ARCN1: variants seen among roughly 807,000 people sequenced by gnomAD.
ARCN1 encodes the protein coatomer subunit delta.
ARCN1 carries 5 observed loss-of-function variants against 60.4 expected under a neutral mutation model. The observed-to-expected ratio is 0.08, with a 90% CI of 0.04 to 0.17. The LOEUF (loss-of-function observed/expected upper bound fraction) is 0.17. Among genes scored for constraint, ARCN1 ranks in the 10% least tolerant of loss-of-function variants. The pLI, the probability that ARCN1 is intolerant of heterozygous loss-of-function variation, is 1.00. For missense variants in ARCN1, 464 were observed against 626.5 expected, an observed-to-expected ratio of 0.74 and a Z score of 2.77; for synonymous variants, 224 against 220.0, an observed-to-expected ratio of 1.02 and a Z score of -0.16.
At chr11:118,590,312 T>G in intron 5 of ARCN1, 29 bp from the exon 6 acceptor site, 1 of 1,595,254 alleles carries the variant, frequency 6.3e-7, no homozygotes, top group Non-Finnish European at 8.6e-7. Flanking sequence ...TCTACCTTTC[T>G]GAACAAATGT....
At chr11:118,593,488 T>A in intron 7 of ARCN1, 102 bp from the exon 8 acceptor site, 2 of 610,098 alleles carry the variant, frequency 3.3e-6, no homozygotes, top group Non-Finnish European at 5.6e-6. Flanking sequence ...ACCTCGATCC[T>A]ACCACCTTGG....
At position 118,581,929 on chromosome 11, in the gene ARCN1, G is replaced by GACACACACACACACACACACACACACAC. The variant is rs1179195532; in HGVS notation, c.267+423_267+424insCACACACACACACACACACACACACACA. Among the ~76,000 whole-genome samples the GACACACACACACACACACACACACACAC allele has an allele frequency of 3.3e-4, 44 of 132,364 alleles. 1 individual carries two copies. In the East Asian group the frequency reaches 4.7e-3, roughly 14 times the overall value. The allele number at this position is 132,364 out of a possible 152,430, so 86.8% of individuals were successfully genotyped here. ...AGACTTACTGATCCAGAGACAGACA[G>GACACACACACACACACACACACACACAC]ACAGACAGACACACACACACACACA... On this transcript the variant is annotated intron_variant, in intron 2 of 9. Transcript: ENST00000264028.
At chr11:118,584,131 A>G in intron 4 of ARCN1, 117 bp downstream of exon 4, 1 of 1,004,946 alleles carries the variant, frequency 1.0e-6, no homozygotes. Flanking sequence ...GAAGTAAGAT[A>G]TGATGTTACA....
At chr11:118,577,582 A>G (rs1214238098) in intron 1 of ARCN1, among the ~76,000 whole-genome samples, 1 of 152,126 alleles carries the variant, frequency 6.6e-6, no homozygotes, top group East Asian at 1.9e-4. Context: ...CCCTGACTGT[A>G]CCAGCTGGAA....
intron 2 of ARCN1, among the ~76,000 whole-genome samples, chr11:118,582,202 GT>G (rs1219582987): frequency 1.3e-5 from 2 of 152,058 alleles, no homozygotes; most frequent in Admixed American, 1.3e-4. Flanking sequence ...TGGTGCAATG[GT>G]GCAATCTCGG....
intron 8 of ARCN1, 126 bp downstream of exon 8, chr11:118,593,824 G>GA: frequency 1.8e-6 from 1 of 554,922 alleles, no homozygotes. Flanking sequence ...AGCTAGTTGT[G>GA]AAAGAAGCCA....
At chr11:118,595,468 C>T (rs1370198030) in intron 8 of ARCN1, among the ~76,000 whole-genome samples, 2 of 152,162 alleles carry the variant, frequency 1.3e-5, no homozygotes, top group Non-Finnish European at 2.9e-5. Flanking sequence ...CATGTTTACA[C>T]TTGTGAAACC....
At chr11:118,585,500 A>G (rs115689100) in intron 5 of ARCN1, among the ~76,000 whole-genome samples, 2,045 of 152,184 alleles carry the variant, frequency 0.013, 48 homozygotes, top group African/African-American at 0.047. Context: ...AAACTTGTAG[A>G]TATCTTTAAT....
rs149653052 is a variant in ARCN1 at position 118,602,928 on chromosome 11, A to C, written c.*2214A>C. 13 of 153,892 alleles carry C rather than the reference A, an allele frequency of 8.4e-5. No homozygotes were observed. The highest frequency in any genetic ancestry group is 2.9e-4 in the African/African-American group (12 of 41,582). The allele number at this position is 153,892 out of a possible 1,614,324, so 9.5% of individuals were successfully genotyped here. On this transcript the variant is annotated 3_prime_UTR_variant, in exon 10 of 10. Coordinates refer to ENST00000264028, the MANE Select transcript of ARCN1 (RefSeq NM_001655.5). ...ATCAAATAAAGCGCATTATAAAATG[A>C]GATGTTTATTGGATTATTGACTCAC... is the stretch of plus-strand genomic sequence containing the variant.
In ARCN1 at chr11:118,584,349, T is replaced by C. The variant is rs554623853; in HGVS notation, c.654-131T>C. The stretch of plus-strand genomic sequence containing the variant: ...TTGATTTTAGGGGAAATCTGTGAAT[T>C]ACCCAAAATTATATACAAAATTTTG... On this transcript the variant is annotated intron_variant, in intron 4 of 9. Coordinates refer to ENST00000264028, the MANE Select transcript of ARCN1 (RefSeq NM_001655.5). 3 of 810,650 alleles carry C rather than the reference T, an allele frequency of 3.7e-6. No homozygotes were observed. In the South Asian group the frequency reaches 6.3e-5, roughly 17 times the overall value. The allele number at this position is 810,650 out of a possible 1,614,324, so 50.2% of individuals were successfully genotyped here.
chr11:118,590,212 C>T (rs1320058488), intron 5 of ARCN1, 129 bp from the exon 6 acceptor site: 24 of 614,296 alleles, frequency 3.9e-5, no homozygotes, highest in Non-Finnish European at 2.5e-5. Flanking sequence ...TCAGGCTGGT[C>T]TCGAACTCCC....
chr11:118,590,532 T>G (rs1555076175), intron 6 of ARCN1, 26 bp downstream of exon 6: 1 of 1,609,684 alleles, frequency 6.2e-7, no homozygotes, highest in Non-Finnish European at 8.5e-7. Flanking sequence ...TGATAGGGAG[T>G]ATTAACACTT....
Position 118,581,530 on chromosome 11 carries a change from C to G in ARCN1, c.267+21C>G. 3 of 1,573,174 alleles carry G rather than the reference C, an allele frequency of 1.9e-6. 1 individual carries two copies. The highest frequency in any genetic ancestry group is 4.5e-5 in the East Asian group (2 of 44,314). On this transcript the variant is annotated intron_variant, in intron 2 of 9. Transcript: ENST00000264028. ...GAGTGGTAAGAGTACTGCTATAATA[C>G]TGGGTTCCACTTTTTGTTTTACATT...
chr11:118,573,707 C>G (rs1555072899), intron 1 of ARCN1: 4 of 699,124 alleles, frequency 5.7e-6, no homozygotes, highest in Non-Finnish European at 1.0e-5. Context: ...ATTGACAACC[C>G]TTTAGATAAG....
At chr11:118,584,054 T>C (rs1555075101) in intron 4 of ARCN1, 40 bp downstream of exon 4, 1 of 1,555,852 alleles carries the variant, frequency 6.4e-7, no homozygotes, top group African/African-American at 1.4e-5. Context: ...GTGAAGGGTG[T>C]ATATGTGTCT....
intron 5 of ARCN1, among the ~76,000 whole-genome samples, chr11:118,586,831 G>A (rs1219145953): frequency 4.4e-5 from 6 of 137,086 alleles, no homozygotes; most frequent in African/African-American, 1.4e-4. Context: ...CAGCCTGGGC[G>A]ACAGAGTGAG....
At chr11:118,597,618 G>C in intron 8 of ARCN1, 89 bp from the exon 9 acceptor site, 1 of 1,459,524 alleles carries the variant, frequency 6.9e-7, no homozygotes, top group Middle Eastern at 2.4e-4. Flanking sequence ...GGCAAAATTT[G>C]GGGATCATAT....
intron 1 of ARCN1, among the ~76,000 whole-genome samples, chr11:118,579,769 A>T (rs529199580): frequency 6.6e-6 from 1 of 152,100 alleles, no homozygotes; most frequent in Admixed American, 6.6e-5. Flanking sequence ...TGTTTTAAAT[A>T]AATAAAGTTT....
chr11:118,590,991 A>G lies in ARCN1; in HGVS notation c.984+485A>G, dbSNP rs546403147. Among the ~76,000 whole-genome samples the G allele has an allele frequency of 2.3e-4, 35 of 152,364 alleles. No individual in the cohort carries two copies. In the East Asian group the frequency reaches 5.4e-3, roughly 23 times the overall value. On this transcript the variant is annotated intron_variant, in intron 6 of 9. Transcript: ENST00000264028. ...AATGAGGGCTGAGCAACAAGACCCTATCTCTACAAAAACTTAAAAAATTAG... is the reference window on the plus strand; with the variant it reads ...AATGAGGGCTGAGCAACAAGACCCTGTCTCTACAAAAACTTAAAAAATTAG...
Sources: allele counts gnomAD v4.1 joint callset (sites outside exome capture counted in the v4.1 genomes callset), GRCh38; gene constraint gnomAD v4.1.1; transcripts MANE v1.5; gene names NCBI Gene and HGNC (gene_info 2026-07-23, HGNC 2026-07-21).